SEPTIN9: variants seen among roughly 807,000 people sequenced by gnomAD.
The protein encoded by SEPTIN9 is septin 9, also known as septin-9.
In SEPTIN9, 13 loss-of-function variants were observed where a neutral mutation model predicts 56.6. That is an observed-to-expected ratio of 0.23 (90% CI 0.15 to 0.37). The LOEUF (loss-of-function observed/expected upper bound fraction) is 0.37, where lower values mean the gene tolerates loss of function less well. Ranked by LOEUF, SEPTIN9 falls within the 10% of genes least tolerant of loss-of-function variation. The pLI is 1.00. For missense variants in SEPTIN9, 650 were observed against 823.1 expected (o/e 0.79, Z 2.57); for synonymous variants, 332 against 334.1 (o/e 0.99, Z 0.07).
At chr17:77,454,616 T>C (rs576872635) in intron 3 of SEPTIN9, among the ~76,000 whole-genome samples, 1 of 152,308 alleles carries the variant, frequency 6.6e-6, no homozygotes, top group South Asian at 2.1e-4. Context: ...GGAGCCTTGC[T>C]CCGGGGCCTG....
At chr17:77,288,398 T>G (rs936085046) in intron 1 of SEPTIN9, among the ~76,000 whole-genome samples, 1 of 152,228 alleles carries the variant, frequency 6.6e-6, no homozygotes, top group Admixed American at 6.5e-5. Flanking sequence ...CGAGGCGTGT[T>G]GGGGCAGCGG....
intron 3 of SEPTIN9, among the ~76,000 whole-genome samples, chr17:77,468,704 T>C (rs2144550356): frequency 6.6e-6 from 1 of 152,222 alleles, no homozygotes; most frequent in South Asian, 2.1e-4. Flanking sequence ...ATATCCCAGG[T>C]GCAATGGAAA....
rs541016118 is a variant in SEPTIN9, at chr17:77,400,254, A to G, written c.77-1805A>G. ...GCATTTAAAGATCAGGAGATATCAT[A>G]TAAAGATCCAGATTTCTACTCTCTT... is the stretch of plus-strand genomic sequence containing the variant. On this transcript the variant is annotated intron_variant, in intron 2 of 11. Coordinates refer to ENST00000427177, the MANE Select transcript of SEPTIN9 (RefSeq NM_001113491.2). The surrounding 1 kb of genome is among the most constrained non-coding windows in gnomAD (Gnocchi z 4.1). Among the ~76,000 whole-genome samples the G allele has an allele frequency of 1.3e-5, 2 of 152,334 alleles. No homozygotes were observed. Among genetic ancestry groups the G allele is most frequent in the Non-Finnish European group, 2.9e-5 (2 of 68,024 alleles).
intron 8 of SEPTIN9, among the ~76,000 whole-genome samples, chr17:77,491,738 G>A (rs1430006157): frequency 2.0e-5 from 3 of 150,698 alleles, no homozygotes; most frequent in Admixed American, 6.6e-5. Flanking sequence ...CCCGGGAGGC[G>A]GAGGCTTCAG....
intron 3 of SEPTIN9, among the ~76,000 whole-genome samples, chr17:77,477,914 C>T (rs1259507139): frequency 1.3e-5 from 2 of 152,168 alleles, no homozygotes; most frequent in Non-Finnish European, 2.9e-5. Flanking sequence ...GGGACCCAGA[C>T]AGATCCTTGC....
chr17:77,323,420 A>G lies in SEPTIN9; in HGVS notation c.76+16223A>G, dbSNP rs1226636857. On this transcript the variant is annotated intron_variant, in intron 2 of 11. Transcript: ENST00000427177. This position sits in a 1 kb window ranked among gnomAD's most constrained non-coding sequence, Gnocchi z 6.8. ...AGAGTCTCCAAGAAGGGAACTTTCCACTGGGGAGCTCTGTTGGGCTGGGAG... is the reference window on the plus strand; with the variant it reads ...AGAGTCTCCAAGAAGGGAACTTTCCGCTGGGGAGCTCTGTTGGGCTGGGAG... Among the ~76,000 whole-genome samples the G allele has an allele frequency of 6.6e-6, 1 of 152,064 alleles. No individual in the cohort carries two copies. The highest frequency in any genetic ancestry group is 1.5e-5 in the Non-Finnish European group (1 of 67,986).
intron 2 of SEPTIN9, chr17:77,373,799 C>T: frequency 3.5e-6 from 2 of 573,868 alleles, no homozygotes; most frequent in Non-Finnish European, 5.4e-6. Context: ...ACCCTGTGCT[C>T]GTTCTGCGCA....
intron 2 of SEPTIN9, among the ~76,000 whole-genome samples, chr17:77,397,239 T>C (rs2035748835): frequency 6.6e-6 from 1 of 152,128 alleles, no homozygotes; most frequent in East Asian, 1.9e-4. Context: ...GGAGGACCCT[T>C]CCTTGCCTCC....
At chr17:77,358,015 TCC>T (rs2034308040) in intron 2 of SEPTIN9, among the ~76,000 whole-genome samples, 1 of 152,216 alleles carries the variant, frequency 6.6e-6, no homozygotes, top group Non-Finnish European at 1.5e-5. Context: ...GTTACCAAGC[TCC>T]TATTTTAGGC....
intron 3 of SEPTIN9, among the ~76,000 whole-genome samples, chr17:77,463,602 G>A (rs2038579991): frequency 6.6e-6 from 1 of 152,068 alleles, no homozygotes; most frequent in Non-Finnish European, 1.5e-5. Flanking sequence ...TAGCACTTGG[G>A]AAAGCTGAGG....
rs1250232578 is a variant in SEPTIN9, at chr17:77,429,483, G to A, written c.721+26780G>A. On this transcript the variant is annotated intron_variant, in intron 3 of 11. Transcript: ENST00000427177. The surrounding 1 kb of genome is among the most constrained non-coding windows in gnomAD (Gnocchi z 5.2). Reference sequence around the variant, plus strand: ...GGGATGTTGGCAGAGAATCAGAGAGGGCATCCAAAAAGGCCAACAGTTCGG... The same window carrying A: ...GGGATGTTGGCAGAGAATCAGAGAGAGCATCCAAAAAGGCCAACAGTTCGG... 1 of 371,258 alleles carries A rather than the reference G, an allele frequency of 2.7e-6. No homozygotes were observed. Among genetic ancestry groups the A allele is most frequent in the Non-Finnish European group, 5.6e-6 (1 of 179,346 alleles). The allele number at this position is 371,258 out of a possible 1,614,324, so 23.0% of individuals were successfully genotyped here.
intron 2 of SEPTIN9, among the ~76,000 whole-genome samples, chr17:77,393,064 C>T (rs958992139): frequency 6.6e-6 from 1 of 152,132 alleles, no homozygotes; most frequent in African/African-American, 2.4e-5. Context: ...TTCTGGAGGG[C>T]TAATTTGTGT....
chr17:77,420,210 G>C lies in SEPTIN9; in HGVS notation c.721+17507G>C, dbSNP rs563261254. Among the ~76,000 whole-genome samples the C allele has an allele frequency of 3.9e-5, 6 of 152,324 alleles. No homozygotes were observed. In the East Asian group the frequency reaches 1.2e-3, roughly 29 times the overall value. ...CAGACCCCTGCTTGGCCATGCTGTTGCCTGGCTGCTCTGTCTGGGGACCTT... is the reference window on the plus strand; with the variant it reads ...CAGACCCCTGCTTGGCCATGCTGTTCCCTGGCTGCTCTGTCTGGGGACCTT... On this transcript the variant is annotated intron_variant, in intron 3 of 11. Coordinates refer to ENST00000427177, the MANE Select transcript of SEPTIN9 (RefSeq NM_001113491.2).
intron 1 of SEPTIN9, 28 bp downstream of exon 1, chr17:77,281,582 G>A: frequency 6.5e-7 from 1 of 1,534,428 alleles, no homozygotes; most frequent in South Asian, 1.2e-5. Flanking sequence ...GGTGGGGAGG[G>A]GTCGGTGTCC....
At chr17:77,455,362 C>T (rs2038152909) in intron 3 of SEPTIN9, among the ~76,000 whole-genome samples, 1 of 152,200 alleles carries the variant, frequency 6.6e-6, no homozygotes, top group African/African-American at 2.4e-5. Flanking sequence ...TGGCAGCACT[C>T]CCTTCTCAGG....
intron 2 of SEPTIN9, chr17:77,373,106 C>T: frequency 1.2e-6 from 1 of 837,326 alleles, no homozygotes; most frequent in South Asian, 5.5e-5. Context: ...TCGCCGTCCC[C>T]TGGGCGCGGG....
At position 77,402,576 on chromosome 17, in the gene SEPTIN9, G is replaced by A. The variant is rs369808412; in HGVS notation, c.594G>A (p.Ala198=). 3.8e-5 allele frequency: 61 copies of A among 1,611,132 alleles called. No individual in the cohort carries two copies. Among genetic ancestry groups the A allele is most frequent in the African/African-American group, 6.7e-5 (5 of 74,826 alleles). Residue 198 remains alanine (A), a synonymous_variant, in exon 3 of 12, where the codon GCG becomes GCA. Transcript: ENST00000427177. The surrounding 1 kb of genome is among the most constrained non-coding windows in gnomAD (Gnocchi z 6.6). ...VEIQMPKPAE[A]PTAPSPAQTL... The stretch of plus-strand genomic sequence containing the variant: ...TCCAGATGCCCAAGCCTGCTGAGGC[G>A]CCCACCGCCCCCAGCCCAGCCCAGA...
intron 6 of SEPTIN9, 140 bp from the exon 7 acceptor site, chr17:77,488,587 T>A: frequency 1.6e-6 from 2 of 1,231,924 alleles, no homozygotes; most frequent in Middle Eastern, 2.1e-4. Context: ...GGCTGTGGCA[T>A]CTCCGCTCAG....
chr17:77,367,016 G>A lies in SEPTIN9; in HGVS notation c.77-35043G>A, dbSNP rs1298211570. Among the ~76,000 whole-genome samples, 2 of 152,378 alleles carry A rather than the reference G, an allele frequency of 1.3e-5. No individual in the cohort carries two copies. The highest frequency in any genetic ancestry group is 3.9e-4 in the East Asian group (2 of 5,190). ...AGCAGGCTGGGGGGATCACTGGGAA[G>A]TCTGGGGAACAGATTGGTCATGTGC... On this transcript the variant is annotated intron_variant, in intron 2 of 11. Transcript: ENST00000427177. This position sits in a 1 kb window ranked among gnomAD's most constrained non-coding sequence, Gnocchi z 4.5.
Sources: gnomAD v4.1 joint callset for allele counts (sites outside exome capture counted in the v4.1 genomes callset) on GRCh38, gnomAD v4.1.1 for gene constraint, Gnocchi (gnomAD v3.1) non-coding constraint, MANE v1.5 for transcripts, NCBI Gene and HGNC (gene_info 2026-07-23, HGNC 2026-07-21) for gene names.